Variants in POLA1 observed in about 807,000 individuals in gnomAD.
POLA1 encodes DNA polymerase alpha catalytic subunit.
Under a neutral mutation model 124.0 loss-of-function variants are expected in POLA1, and 15 were observed. That is an observed-to-expected ratio of 0.12 (90% CI 0.08 to 0.19). The LOEUF (loss-of-function observed/expected upper bound fraction) is 0.19. Ranked by LOEUF, POLA1 falls within the 10% of genes least tolerant of loss-of-function variation. The pLI, the probability that POLA1 is intolerant of heterozygous loss-of-function variation, is 1.00. For synonymous variants in POLA1, 408 were observed against 389.4 expected (o/e 1.05, Z -0.56); for missense variants, 886 against 1,103.4 (o/e 0.80, Z 2.79).
chrX:24,832,334 G>T (rs2046275663), intron 32 of POLA1, among the ~76,000 whole-genome samples: 1 of 111,453 alleles, frequency 9.0e-6, no homozygotes, highest in Admixed American at 9.5e-5. Context: ...GGTTTCAGTT[G>T]AACGGTCCTG....
chrX:24,927,310 CGTT>C (rs2047708532), intron 35 of POLA1, among the ~76,000 whole-genome samples: 2 of 111,563 alleles, frequency 1.8e-5, no homozygotes. Flanking sequence ...ATGAAGTTTG[CGTT>C]GTTTCTAATA....
intron 35 of POLA1, among the ~76,000 whole-genome samples, chrX:24,889,106 G>A (rs1412223774): frequency 2.7e-5 from 3 of 111,143 alleles, no homozygotes; most frequent in Non-Finnish European, 5.7e-5. Context: ...CTGGCCTCAG[G>A]TGATCTGCCT....
chrX:24,857,808 T>C (rs2046665398), intron 34 of POLA1, among the ~76,000 whole-genome samples: 1 of 111,972 alleles, frequency 8.9e-6, no homozygotes, highest in South Asian at 3.7e-4. Flanking sequence ...AGCTTTTGTA[T>C]TGTAATTTTA....
intron 25 of POLA1, 109 bp downstream of exon 25, chrX:24,748,569 G>C (rs944868557): frequency 1.5e-6 from 1 of 666,700 alleles, no homozygotes; most frequent in Non-Finnish European, 2.3e-6. Flanking sequence ...TTTTAAGTTT[G>C]TGGATAGGTG....
Position 24,748,232 on chromosome X carries a change from A to G in POLA1, c.2692-79A>G, listed in dbSNP as rs1350555740. ...GCTTTTCAAGATGTGATCATGGGGG[A>G]AAGCTCCTATAAAATATTACTGTAG... On this transcript the variant is annotated intron_variant, in intron 24 of 36. Transcript: ENST00000379068. The G allele has an allele frequency of 5.9e-6, 4 of 679,410 alleles. No homozygotes were observed. The Admixed American group carries it at 1.1e-4, about 18-fold the overall frequency. 56.0% of individuals were successfully genotyped at this position (679,410 alleles called of 1,213,427 possible). A position where few individuals can be genotyped will look rare whatever the true frequency, so the allele number is the denominator to read the frequency against.
intron 35 of POLA1, among the ~76,000 whole-genome samples, chrX:24,926,149 T>C (rs1243953465): frequency 9.2e-6 from 1 of 108,965 alleles, no homozygotes; most frequent in Non-Finnish European, 1.9e-5. Flanking sequence ...AAGGCTGCAA[T>C]GAGCTATGAT....
intron 36 of POLA1, among the ~76,000 whole-genome samples, chrX:24,966,573 T>C (rs1250773519): frequency 8.9e-6 from 1 of 112,441 alleles, no homozygotes; most frequent in Non-Finnish European, 1.9e-5. Flanking sequence ...TTTAAAAGGA[T>C]AACAATATCT....
At chrX:24,908,303 A>G (rs960577103) in intron 35 of POLA1, among the ~76,000 whole-genome samples, 4 of 109,639 alleles carry the variant, frequency 3.6e-5, no homozygotes, top group Non-Finnish European at 7.6e-5. Context: ...TTTGTTACAT[A>G]TGTATACATG....
rs149040124 is a variant in POLA1 at position 24,803,661 on chromosome X, G to A, written c.2965-6237G>A. Reference sequence around the variant, plus strand: ...GAATATGGAAATATATCCTCACAACGCTAATTATCCTTGTTAGGTACACTA... The same window carrying A: ...GAATATGGAAATATATCCTCACAACACTAATTATCCTTGTTAGGTACACTA... On this transcript the variant is annotated intron_variant, in intron 26 of 36. Transcript: ENST00000379068. Among the ~76,000 whole-genome samples the A allele has an allele frequency of 3.7e-4, 41 of 110,563 alleles. 1 individual carries two copies. The highest frequency in any genetic ancestry group is 1.4e-3 in the Admixed American group (14 of 10,354).
At chrX:24,951,698 T>C (rs895674444) in intron 36 of POLA1, among the ~76,000 whole-genome samples, 6 of 111,764 alleles carry the variant, frequency 5.4e-5, no homozygotes, top group East Asian at 5.6e-4. Context: ...ATATTAGTTA[T>C]TATGTAAATT....
intron 36 of POLA1, among the ~76,000 whole-genome samples, chrX:24,934,872 G>A (rs1006090943): frequency 2.7e-5 from 3 of 111,743 alleles, no homozygotes; most frequent in South Asian, 3.8e-4. Flanking sequence ...ACAGGTGCAC[G>A]TCACCACGCC....
intron 36 of POLA1, among the ~76,000 whole-genome samples, chrX:24,960,712 T>A (rs756192548): frequency 9.0e-6 from 1 of 111,674 alleles, no homozygotes. Context: ...ATCGTAACAA[T>A]ATTTTGACTC....
chrX:24,907,877 A>G (rs2047390450), intron 35 of POLA1, among the ~76,000 whole-genome samples: 1 of 112,071 alleles, frequency 8.9e-6, no homozygotes, highest in South Asian at 3.7e-4. Context: ...AAATCATAGC[A>G]TTGTCTGATG....
chrX:24,861,125 TTTTG>T (rs1293220808), intron 34 of POLA1, among the ~76,000 whole-genome samples: 2 of 112,241 alleles, frequency 1.8e-5, no homozygotes, highest in African/African-American at 6.5e-5. Flanking sequence ...ATTTTTTTAT[TTTTG>T]TTTTGTTTTG....
rs770411457 is a variant in POLA1 at position 24,856,224 on chromosome X, ACT to A, written c.4047+12550_4047+12551del. 1.3e-4 allele frequency among the ~76,000 whole-genome samples: 14 copies of A among 111,356 alleles called. No homozygotes were observed. The East Asian group carries it at 3.7e-3, about 29-fold the overall frequency. ...AAGCACACCCTCCTTCCCACTCCTA[ACT>A]CTGTCAACTATGATATGTTCTCATC... is the stretch of plus-strand genomic sequence containing the variant. On this transcript the variant is annotated intron_variant, in intron 34 of 36. Transcript: ENST00000379068.
intron 34 of POLA1, among the ~76,000 whole-genome samples, chrX:24,846,937 A>T (rs2046484965): frequency 8.9e-6 from 1 of 112,160 alleles, no homozygotes; most frequent in Non-Finnish European, 1.9e-5. Context: ...CCTCCACTAG[A>T]CACTCTTGGG....
intron 26 of POLA1, among the ~76,000 whole-genome samples, chrX:24,770,637 T>C (rs920343598): frequency 1.8e-5 from 2 of 111,741 alleles, no homozygotes; most frequent in Non-Finnish European, 3.8e-5. Context: ...AGTAAACTTT[T>C]TGTTTTCTTA....
At chrX:24,981,604 C>CT (rs1569385015) in intron 36 of POLA1, among the ~76,000 whole-genome samples, 2 of 112,115 alleles carry the variant, frequency 1.8e-5, no homozygotes, top group East Asian at 5.6e-4. Context: ...TTTGTAAAGC[C>CT]TTTTTTTCAG....
intron 26 of POLA1, among the ~76,000 whole-genome samples, chrX:24,786,334 T>C (rs2045360355): frequency 8.9e-6 from 1 of 111,770 alleles, no homozygotes; most frequent in Admixed American, 9.5e-5. Context: ...TAACATTTGT[T>C]GTATATAGCT....
Sources: gnomAD v4.1 joint callset for allele counts (sites outside exome capture counted in the v4.1 genomes callset) on GRCh38, gnomAD v4.1.1 for gene constraint, MANE v1.5 for transcripts, NCBI Gene and HGNC (gene_info 2026-07-23, HGNC 2026-07-21) for gene names.